RCAN1: variants seen among roughly 807,000 people sequenced by gnomAD.
RCAN1 encodes the protein calcipressin-1.
In RCAN1, 11 loss-of-function variants were observed where a neutral mutation model predicts 22.9. The ratio of observed to expected loss-of-function variants is 0.48; its 90% CI spans 0.30 to 0.79. The LOEUF (loss-of-function observed/expected upper bound fraction) is 0.79, where lower values mean the gene tolerates loss of function less well. Ranked by LOEUF, RCAN1 falls within the 30% of genes least tolerant of loss-of-function variation. The pLI is 0.06. For synonymous variants in RCAN1, 136 were observed against 142.3 expected (o/e 0.96, Z 0.32); for missense variants, 291 against 337.8 (o/e 0.86, Z 1.09).
chr21:34,522,497 G>A (rs1264318365), intron 2 of RCAN1: 1 of 152,248 alleles, frequency 6.6e-6, no homozygotes, highest in East Asian at 1.9e-4. Context: ...GGCACCCAAG[G>A]TCAAAGCTCA....
chr21:34,565,815 C>T (rs554882728), intron 1 of RCAN1, among the ~76,000 whole-genome samples: 98 of 152,286 alleles, frequency 6.4e-4, no homozygotes, highest in African/African-American at 2.3e-3. Context: ...GCTGGTATAC[C>T]TTGTGATATA....
At chr21:34,581,632 A>C (rs1987612250) in intron 1 of RCAN1, among the ~76,000 whole-genome samples, 1 of 152,228 alleles carries the variant, frequency 6.6e-6, no homozygotes, top group Admixed American at 6.5e-5. Context: ...GGTCAATGCC[A>C]GTGTATATGA....
intron 1 of RCAN1, among the ~76,000 whole-genome samples, chr21:34,587,849 T>C (rs1987850113): frequency 6.6e-6 from 1 of 152,202 alleles, no homozygotes; most frequent in South Asian, 2.1e-4. Context: ...TGTTTTGAGA[T>C]GCGATTAACA....
At chr21:34,610,396 T>C (rs758443891) in intron 1 of RCAN1, among the ~76,000 whole-genome samples, 1 of 151,928 alleles carries the variant, frequency 6.6e-6, no homozygotes, top group Non-Finnish European at 1.5e-5. Context: ...AAATGCCCCA[T>C]CTCCTGGTCT....
chr21:34,516,829 T>C lies in RCAN1; in HGVS notation c.*1255A>G, dbSNP rs1984075498. On this transcript the variant is annotated 3_prime_UTR_variant, in exon 4 of 4. Transcript: ENST00000313806. Reference sequence around the variant, plus strand: ...TTGTAAGGCCAAAATATAATACCTATTTACCAGACATACACATTACAACTA... The same window carrying C: ...TTGTAAGGCCAAAATATAATACCTACTTACCAGACATACACATTACAACTA... The C allele has an allele frequency of 6.6e-6, 1 of 152,548 alleles. No homozygotes were observed. The highest frequency in any genetic ancestry group is 1.5e-5 in the Non-Finnish European group (1 of 68,046). The allele number at this position is 152,548 out of a possible 1,614,324, so 9.4% of individuals were successfully genotyped here. A position where few individuals can be genotyped will look rare whatever the true frequency, so the allele number is the denominator to read the frequency against.
intron 1 of RCAN1, among the ~76,000 whole-genome samples, chr21:34,576,692 T>C (rs1025308511): frequency 6.6e-6 from 1 of 152,206 alleles, no homozygotes; most frequent in African/African-American, 2.4e-5. Context: ...TTTCAAAGTT[T>C]AAACTGGATG....
In RCAN1 at chr21:34,527,017, T is replaced by C. The variant is rs1341977710; in HGVS notation, c.253-3307A>G. ...GAGGTGACGTCAACACCTTAGTCAT[T>C]TTCCCTATGCTAATTAACTTTGCTT... On this transcript the variant is annotated intron_variant, in intron 1 of 3. Coordinates refer to ENST00000313806, the MANE Select transcript of RCAN1 (RefSeq NM_004414.7). 5 of 1,229,146 alleles carry C rather than the reference T, an allele frequency of 4.1e-6. No individual in the cohort carries two copies. In the African/African-American group the frequency reaches 8.0e-5, roughly 20 times the overall value. The allele number at this position is 1,229,146 out of a possible 1,614,324, so 76.1% of individuals were successfully genotyped here.
intron 1 of RCAN1, among the ~76,000 whole-genome samples, chr21:34,537,366 C>T (rs1354661229): frequency 1.3e-5 from 2 of 152,226 alleles, no homozygotes; most frequent in Non-Finnish European, 2.9e-5. Context: ...TCCTGGTGAA[C>T]TGTAGCCCAT....
intron 1 of RCAN1, among the ~76,000 whole-genome samples, chr21:34,571,492 T>G (rs774972269): frequency 2.0e-5 from 3 of 152,198 alleles, no homozygotes; most frequent in Non-Finnish European, 4.4e-5. Context: ...TATTTTTAAT[T>G]AAAGAGAGCA....
At chr21:34,585,134 T>G (rs1484536207) in intron 1 of RCAN1, among the ~76,000 whole-genome samples, 1 of 152,222 alleles carries the variant, frequency 6.6e-6, no homozygotes, top group East Asian at 1.9e-4. Flanking sequence ...GATTTCAACT[T>G]CACTCTTTTA....
chr21:34,610,870 C>T (rs772060435), intron 1 of RCAN1, among the ~76,000 whole-genome samples: 5 of 152,194 alleles, frequency 3.3e-5, no homozygotes, highest in Non-Finnish European at 7.4e-5. Context: ...GTCATGATAG[C>T]ACTACATCTA....
At position 34,530,625 on chromosome 21, in the gene RCAN1, T is replaced by TGTTG. The variant is rs1555856747; in HGVS notation, c.253-6916_253-6915insCAAC. Among the ~76,000 whole-genome samples the TGTTG allele has an allele frequency of 8.2e-3, 592 of 72,018 alleles. 7 individuals carry two copies. Among genetic ancestry groups the TGTTG allele is most frequent in the African/African-American group, 0.032 (512 of 16,024 alleles). The allele number at this position is 72,018 out of a possible 152,430, so 47.2% of individuals were successfully genotyped here. On this transcript the variant is annotated intron_variant, in intron 1 of 3. Transcript: ENST00000313806. ...CTAAGATAGTGAAATAGTTTTTTTT[T>TGTTG]TTTTTTTTTTTTTTTTTTGAGACAG...
chr21:34,525,259 C>T (rs1172813393), intron 1 of RCAN1: 7 of 1,550,684 alleles, frequency 4.5e-6, no homozygotes, highest in Non-Finnish European at 6.1e-6. Context: ...CCCTGCCAGG[C>T]AGGTCGTTAA....
chr21:34,530,999 C>T (rs534606357), intron 1 of RCAN1, among the ~76,000 whole-genome samples: 4 of 152,146 alleles, frequency 2.6e-5, no homozygotes, highest in Non-Finnish European at 5.9e-5. Flanking sequence ...AAAAAACAAC[C>T]CCACAAGGGT....
At chr21:34,593,947 C>G (rs1988059911) in intron 1 of RCAN1, among the ~76,000 whole-genome samples, 1 of 152,036 alleles carries the variant, frequency 6.6e-6, no homozygotes, top group Non-Finnish European at 1.5e-5. Context: ...GTTTTTTATT[C>G]TGGGGCTGGA....
intron 1 of RCAN1, among the ~76,000 whole-genome samples, chr21:34,593,818 C>T (rs906160890): frequency 1.3e-5 from 2 of 152,214 alleles, no homozygotes; most frequent in African/African-American, 4.8e-5. Flanking sequence ...GGTACAGTCC[C>T]TGCCCTCAAA....
At chr21:34,551,248 G>C (rs1242500695) in intron 1 of RCAN1, among the ~76,000 whole-genome samples, 1 of 152,172 alleles carries the variant, frequency 6.6e-6, no homozygotes, top group African/African-American at 2.4e-5. Flanking sequence ...TTCCTTTTTG[G>C]ATGGTGTGTA....
intron 1 of RCAN1, among the ~76,000 whole-genome samples, chr21:34,533,560 G>C (rs1309718195): frequency 6.6e-6 from 1 of 152,004 alleles, no homozygotes; most frequent in East Asian, 1.9e-4. Flanking sequence ...TCATTCATTT[G>C]TCTAAACACT....
At chr21:34,525,053 G>T (rs1270520060) in intron 1 of RCAN1, 1 of 1,550,030 alleles carries the variant, frequency 6.5e-7, no homozygotes, top group Non-Finnish European at 8.7e-7. Flanking sequence ...GCAGGGTGTG[G>T]ATGGTAGGCA....
Sources: allele counts gnomAD v4.1 joint callset (sites outside exome capture counted in the v4.1 genomes callset), GRCh38; gene constraint gnomAD v4.1.1; transcripts MANE v1.5; gene names NCBI Gene and HGNC (gene_info 2026-07-23, HGNC 2026-07-21).